The following STX17 variants were observed in gnomAD, a reference collection of about 807,000 sequenced individuals.
The protein encoded by STX17 is syntaxin-17.
STX17 carries 29 observed loss-of-function variants against 35.9 expected under a neutral mutation model. The observed-to-expected ratio is 0.81, with a 90% CI of 0.60 to 1.10. STX17 has a LOEUF of 1.10. STX17 is among the 50% of genes least tolerant of loss of function. STX17 has a pLI of 0.00. For synonymous variants in STX17, 92 were observed against 118.3 expected (o/e 0.78, Z 1.44); for missense variants, 312 against 352.3 (o/e 0.89, Z 0.92).
rs944260197 is a variant in STX17, at chr9:99,966,288, G to A, written c.583-1365G>A. On this transcript the variant is annotated intron_variant, in intron 6 of 7. Transcript: ENST00000259400. Reference sequence around the variant, plus strand: ...TTAGGCATTGTTTTAGAGATGTCAAGATAGTGGTGGAGAATATTGGAATGA... The same window carrying A: ...TTAGGCATTGTTTTAGAGATGTCAAAATAGTGGTGGAGAATATTGGAATGA... Among the ~76,000 whole-genome samples the A allele has an allele frequency of 1.1e-4, 16 of 152,216 alleles. 1 individual carries two copies.
chr9:99,967,729 A>C lies in STX17; in HGVS notation c.659A>C (p.Asn220Thr), dbSNP rs753819999. Residue 220 changes from asparagine (N) to threonine (T), a missense_variant, in exon 7 of 8, where the codon AAC becomes ACC. By Grantham distance (65) the Asn-to-Thr change is moderately conservative. Coordinates refer to ENST00000259400, the MANE Select transcript of STX17 (RefSeq NM_017919.3). ...GTGAATGTTGAAGAGGGAACCAAAA[A>C]CTTAGGGAAGGTAAGATTCTGCTCC... ...AAVNVEEGTK[N>T]LGKAAKYKLA... The C allele has an allele frequency of 2.5e-6, 4 of 1,613,824 alleles. No homozygotes were observed. The highest frequency in any genetic ancestry group is 3.4e-6 in the Non-Finnish European group (4 of 1,179,804).
chr9:99,942,039 A>G (rs1738309238), intron 3 of STX17, among the ~76,000 whole-genome samples: 1 of 152,214 alleles, frequency 6.6e-6, no homozygotes, highest in Non-Finnish European at 1.5e-5. Flanking sequence ...TTAGTAAGTA[A>G]TGCCAAGCTA....
At chr9:99,938,205 G>A (rs912724360) in intron 3 of STX17, 5 of 152,092 alleles carry the variant, frequency 3.3e-5, no homozygotes, top group Admixed American at 2.6e-4. Flanking sequence ...TCTAAATACC[G>A]ATGTATCACT....
chr9:99,942,221 A>T (rs1172338370), intron 3 of STX17, among the ~76,000 whole-genome samples: 2 of 152,146 alleles, frequency 1.3e-5, no homozygotes, highest in African/African-American at 2.4e-5. Context: ...TATTCATGAG[A>T]TTAATTTTTC....
chr9:99,929,171 T>C (rs1246331160), intron 3 of STX17: 1 of 173,220 alleles, frequency 5.8e-6, no homozygotes, highest in African/African-American at 2.4e-5. Context: ...GTTGTTCTAA[T>C]CTGGATTTGT....
intron 2 of STX17, among the ~76,000 whole-genome samples, chr9:99,927,969 A>T (rs973043857): frequency 1.3e-5 from 2 of 152,182 alleles, no homozygotes; most frequent in Non-Finnish European, 2.9e-5. Context: ...CTATGCATAT[A>T]TGAGGGAATT....
chr9:99,968,331 GAGTTAA>G, intron 7 of STX17, 97 bp from the exon 8 acceptor site: 1 of 1,396,674 alleles, frequency 7.2e-7, no homozygotes, highest in South Asian at 1.6e-5. Context: ...TATGTACCAA[GAGTTAA>G]AGAGGCATTG....
chr9:99,965,761 G>A (rs188293110), intron 6 of STX17, among the ~76,000 whole-genome samples: 132 of 152,258 alleles, frequency 8.7e-4, no homozygotes, highest in Admixed American at 1.4e-3. Flanking sequence ...TTCAAGCACC[G>A]AAAGAAAAAG....
At chr9:99,967,480 T>TA (rs1829938565) in intron 6 of STX17, 173 bp from the exon 7 acceptor site, 1 of 392,306 alleles carries the variant, frequency 2.5e-6, no homozygotes, top group Non-Finnish European at 4.6e-6. Context: ...CCCTTTTTTT[T>TA]ATGAAAGTTA....
At chr9:99,909,119 A>G (rs950713069) in intron 1 of STX17, among the ~76,000 whole-genome samples, 2 of 152,264 alleles carry the variant, frequency 1.3e-5, no homozygotes, top group African/African-American at 4.8e-5. Flanking sequence ...CATTTACTAA[A>G]TAGAGTACAG....
rs181811282 is a variant in STX17, at chr9:99,936,522, G to C, written c.189+7679G>C. On this transcript the variant is annotated intron_variant, in intron 3 of 7. Transcript: ENST00000259400. ...GTTCTCTTTGATTTTATAACTAAATGTTATAACTGCTTATGGCTTTTTTCC... is the reference window on the plus strand; with the variant it reads ...GTTCTCTTTGATTTTATAACTAAATCTTATAACTGCTTATGGCTTTTTTCC... Among the ~76,000 whole-genome samples, 311 of 152,172 alleles carry C rather than the reference G, an allele frequency of 2.0e-3. 2 individuals carry two copies. Among genetic ancestry groups the C allele is most frequent in the South Asian group, 0.011 (51 of 4,822 alleles).
chr9:99,915,407 G>C (rs773358300), intron 2 of STX17, 45 bp downstream of exon 2: 2 of 1,554,778 alleles, frequency 1.3e-6, no homozygotes, highest in Admixed American at 4.0e-5. Context: ...TACATAGTTT[G>C]ATTTATATTG....
At chr9:99,958,408 A>G (rs1829756369) in intron 4 of STX17, among the ~76,000 whole-genome samples, 1 of 152,214 alleles carries the variant, frequency 6.6e-6, no homozygotes, top group Admixed American at 6.5e-5. Context: ...TTGACTATTA[A>G]TATGTCTGTA....
At chr9:99,908,911 C>T (rs1828609298) in intron 1 of STX17, among the ~76,000 whole-genome samples, 1 of 152,176 alleles carries the variant, frequency 6.6e-6, no homozygotes, top group South Asian at 2.1e-4. Flanking sequence ...TTTTTAAAAA[C>T]AAAAGTTCAT....
rs1203383805 is a variant in STX17, at chr9:99,970,796, A to G, written c.*2123A>G. On this transcript the variant is annotated 3_prime_UTR_variant, in exon 8 of 8. Transcript: ENST00000259400. The stretch of plus-strand genomic sequence containing the variant: ...TTCAGCCCACCAACTTAGCGGCAGC[A>G]CTAGGGATTCATTATAAGGTAAATC... Among the ~76,000 whole-genome samples the G allele has an allele frequency of 6.6e-6, 1 of 152,232 alleles. No individual in the cohort carries two copies. Among genetic ancestry groups the G allele is most frequent in the African/African-American group, 2.4e-5 (1 of 41,446 alleles).
chr9:99,949,067 GTAGT>G, intron 3 of STX17, among the ~76,000 whole-genome samples: 1 of 152,206 alleles, frequency 6.6e-6, no homozygotes, highest in Middle Eastern at 3.4e-3. Flanking sequence ...GGCCTGGGCT[GTAGT>G]CCAAATTCTG....
chr9:99,968,054 T>G (rs1829951492), intron 7 of STX17, among the ~76,000 whole-genome samples: 1 of 152,218 alleles, frequency 6.6e-6, no homozygotes, highest in Non-Finnish European at 1.5e-5. Flanking sequence ...GACCATCTAT[T>G]TTCCATAGGA....
intron 3 of STX17, among the ~76,000 whole-genome samples, chr9:99,932,793 T>C (rs1171089047): frequency 6.6e-6 from 1 of 152,200 alleles, no homozygotes; most frequent in Non-Finnish European, 1.5e-5. Flanking sequence ...ATTTTGTGTA[T>C]AGATTTCTAC....
chr9:99,938,714 G>A (rs1156785663), intron 3 of STX17, among the ~76,000 whole-genome samples: 3 of 143,384 alleles, frequency 2.1e-5, no homozygotes, highest in Non-Finnish European at 4.6e-5. Flanking sequence ...TTGAGCCTGG[G>A]ATATTGAGAT....
Sources: gnomAD v4.1 joint callset for allele counts (sites outside exome capture counted in the v4.1 genomes callset) on GRCh38, gnomAD v4.1.1 for gene constraint, MANE v1.5 for transcripts, NCBI Gene and HGNC (gene_info 2026-07-23, HGNC 2026-07-21) for gene names.